Variants in TUBD1 observed in about 807,000 individuals in gnomAD.
TUBD1 encodes the protein tubulin delta 1.
A neutral mutation model predicts 51.2 loss-of-function variants in TUBD1; 38 were observed. The observed-to-expected ratio is 0.74, with a 90% CI of 0.57 to 0.97. The LOEUF (loss-of-function observed/expected upper bound fraction) is 0.97, where lower values mean the gene tolerates loss of function less well. Ranked by LOEUF, TUBD1 falls within the 50% of genes least tolerant of loss-of-function variation. The pLI is 0.00. For synonymous variants in TUBD1, 169 were observed against 178.2 expected (o/e 0.95, Z 0.41); for missense variants, 489 against 538.4 (o/e 0.91, Z 0.91).
intron 1 of TUBD1, chr17:59,891,673 TAAAA>T (rs1459266679): frequency 6.6e-6 from 1 of 152,012 alleles, no homozygotes; most frequent in Non-Finnish European, 1.5e-5. Context: ...TGAGGAGTGA[TAAAA>T]GAAAAAAAGA....
intron 5 of TUBD1, among the ~76,000 whole-genome samples, chr17:59,875,903 A>T (rs182573074): frequency 1.3e-5 from 2 of 152,296 alleles, no homozygotes; most frequent in Non-Finnish European, 2.9e-5. Flanking sequence ...GCTGTCTCAT[A>T]TGTTTATAGA....
rs1041194808 is a variant in TUBD1, at chr17:59,862,358, G to C, written c.1259+1306C>G. Reference sequence around the variant, plus strand: ...AAAGAAAAAGATAGTTAGAAGCCTTGTCCACTCATTTGAAGAATTTTGCTT... The same window carrying C: ...AAAGAAAAAGATAGTTAGAAGCCTTCTCCACTCATTTGAAGAATTTTGCTT... On this transcript the variant is annotated intron_variant, in intron 8 of 8. Transcript: ENST00000325752. 2.0e-5 allele frequency among the ~76,000 whole-genome samples: 3 copies of C among 151,500 alleles called. No homozygotes were observed. In the South Asian group the frequency reaches 6.2e-4, roughly 32 times the overall value.
At chr17:59,881,960 C>T (rs991895532) in intron 3 of TUBD1, among the ~76,000 whole-genome samples, 1 of 152,084 alleles carries the variant, frequency 6.6e-6, no homozygotes, top group African/African-American at 2.4e-5. Flanking sequence ...TGAGCCACTG[C>T]GCCTGGCCGC....
rs746863209 is a variant in TUBD1, at chr17:59,881,027, C to A, written c.404G>T (p.Gly135Val). 6.2e-7 allele frequency: 1 copy of A among 1,614,132 alleles called. No homozygotes were observed. Among genetic ancestry groups the A allele is most frequent in the Non-Finnish European group, 8.5e-7 (1 of 1,180,008 alleles). ...AGCCATACTCATTATGATGAAAAAACCACTGAAAGAGTCACATTTCTCCAC... is the reference window on the plus strand; with the variant it reads ...AGCCATACTCATTATGATGAAAAAAACACTGAAAGAGTCACATTTCTCCAC... ...KEVEKCDSFS[G>V]FFIIMSMAGG... Residue 135 changes from glycine (G) to valine (V), a missense_variant, in exon 4 of 9, where the codon GGT (glycine) becomes GTT (valine). Coordinates refer to ENST00000325752, the MANE Select transcript of TUBD1 (RefSeq NM_016261.4).
chr17:59,882,892 C>G (rs932639078), intron 3 of TUBD1, among the ~76,000 whole-genome samples: 1 of 151,684 alleles, frequency 6.6e-6, no homozygotes, highest in African/African-American at 2.4e-5. Flanking sequence ...TCAAGTGATT[C>G]TCCTGCCTTA....
intron 4 of TUBD1, 105 bp downstream of exon 4, chr17:59,880,789 C>T: frequency 1.9e-6 from 2 of 1,075,610 alleles, no homozygotes; most frequent in Non-Finnish European, 2.8e-6. Flanking sequence ...GCTGGGATTA[C>T]AGGCATAAGC....
chr17:59,892,771 C>T lies in TUBD1; in HGVS notation c.-114G>A, dbSNP rs2041183798. The stretch of plus-strand genomic sequence containing the variant: ...TACTCACCATGCGCATGCTCACTTT[C>T]AAAACGAAAAACTTACTGAGAACAA... On this transcript the variant is annotated 5_prime_UTR_variant, in exon 1 of 9. The change abolishes the stop of an existing upstream ORF in the 5' untranslated region. Transcript: ENST00000325752. 1 of 169,118 alleles carries T rather than the reference C, an allele frequency of 5.9e-6. No individual in the cohort carries two copies. The allele number at this position is 169,118 out of a possible 1,614,324, so 10.5% of individuals were successfully genotyped here. A position where few individuals can be genotyped will look rare whatever the true frequency, so the allele number is the denominator to read the frequency against.
At position 59,859,498 on chromosome 17, in the gene TUBD1, A is replaced by G. The variant is rs1342152572; in HGVS notation, c.*824T>C. 6.6e-6 allele frequency: 1 copy of G among 152,384 alleles called. No individual in the cohort carries two copies. The highest frequency in any genetic ancestry group is 1.9e-4 in the East Asian group (1 of 5,206). 9.4% of individuals were successfully genotyped at this position (152,384 alleles called of 1,614,324 possible). ...TACCTATTTACTTTTGTACTTAAGC[A>G]TAAGCATTTATTACCAAAATCCTCA... On this transcript the variant is annotated 3_prime_UTR_variant, in exon 9 of 9. Transcript: ENST00000325752.
intron 7 of TUBD1, among the ~76,000 whole-genome samples, chr17:59,865,533 T>G (rs1455380600): frequency 6.6e-6 from 1 of 152,044 alleles, no homozygotes; most frequent in Non-Finnish European, 1.5e-5. Context: ...TGAGCTGAGA[T>G]TACACCACTG....
intron 6 of TUBD1, among the ~76,000 whole-genome samples, chr17:59,869,982 G>C (rs2039903199): frequency 6.6e-6 from 1 of 152,048 alleles, no homozygotes; most frequent in Non-Finnish European, 1.5e-5. Flanking sequence ...GAGCTGGAGA[G>C]CAAATGGTTA....
chr17:59,876,821 G>C (rs766302224), intron 5 of TUBD1, among the ~76,000 whole-genome samples: 12 of 151,552 alleles, frequency 7.9e-5, no homozygotes, highest in Non-Finnish European at 1.0e-4. Context: ...GTTGCAATCT[G>C]TTCTCCCTTC....
chr17:59,879,632 C>T (rs573605732), intron 4 of TUBD1, among the ~76,000 whole-genome samples: 2 of 151,906 alleles, frequency 1.3e-5, no homozygotes, highest in African/African-American at 4.8e-5. Context: ...GAAGGGGTTT[C>T]GCCATGTTGG....
At chr17:59,869,044 ACAGAG>A (rs1296708943) in intron 6 of TUBD1, among the ~76,000 whole-genome samples, 1 of 151,720 alleles carries the variant, frequency 6.6e-6, no homozygotes, top group Non-Finnish European at 1.5e-5. Flanking sequence ...AAATCTTCCC[ACAGAG>A]CAAAGAATAT....
At chr17:59,866,559 G>C in intron 7 of TUBD1, 50 bp downstream of exon 7, 1 of 1,604,072 alleles carries the variant, frequency 6.2e-7, no homozygotes. Context: ...GTACCATATA[G>C]CATGTACAGG....
In TUBD1 at chr17:59,890,746, T is replaced by C. The variant is rs868624029; in HGVS notation, c.172+85A>G. 15 of 1,114,920 alleles carry C rather than the reference T, an allele frequency of 1.3e-5. 3 individuals are homozygous for C. In the Middle Eastern group the frequency reaches 2.8e-3, roughly 209 times the overall value. 69.1% of individuals were successfully genotyped at this position (1,114,920 alleles called of 1,614,324 possible). A position where few individuals can be genotyped will look rare whatever the true frequency, so the allele number is the denominator to read the frequency against. ...AATTCCCTAGTGAGATGGGAAGGAA[T>C]GGGGTTTAAAAACCATGTGGAAGGC... On this transcript the variant is annotated intron_variant, in intron 2 of 8. Coordinates refer to ENST00000325752, the MANE Select transcript of TUBD1 (RefSeq NM_016261.4).
intron 4 of TUBD1, among the ~76,000 whole-genome samples, chr17:59,880,202 GCCAGCGCCACCATGC>G (rs1432032454): frequency 6.6e-6 from 1 of 152,030 alleles, no homozygotes; most frequent in Non-Finnish European, 1.5e-5. Context: ...GAGACTACAG[GCCAGCGCCACCATGC>G]CCAGCTAATT....
In TUBD1 at chr17:59,860,431, GA is replaced by G. The variant is rs34427733; in HGVS notation, c.1260-8del. ...GTACTGATGAATGTAGGCTCTGGTA[GA>G]AAAAAAAAAAAAACAGAAATTACAA... On this transcript the variant is annotated splice_region_variant and splice_polypyrimidine_tract_variant and intron_variant, in intron 8 of 8. Transcript: ENST00000325752. The G allele has an allele frequency of 0.17, 198,767 of 1,138,774 alleles. 2,364 individuals are homozygous for G. Among genetic ancestry groups the G allele is most frequent in the Middle Eastern group, 0.21 (915 of 4,332 alleles). The allele number at this position is 1,138,774 out of a possible 1,614,324, so 70.5% of individuals were successfully genotyped here.
Position 59,886,248 on chromosome 17 carries a change from C to A in TUBD1, c.173-18G>T, listed in dbSNP as rs202212493. ...AATTGGAACTAGAGGGGGAAAAAAA[C>A]CCAAAAACATCGAAAGAAAAAAAGA... On this transcript the variant is annotated intron_variant, in intron 2 of 8. Transcript: ENST00000325752. 2.5e-6 allele frequency: 4 copies of A among 1,595,026 alleles called. No homozygotes were observed. Among genetic ancestry groups the A allele is most frequent in the Non-Finnish European group, 3.4e-6 (4 of 1,172,940 alleles).
chr17:59,860,349 C>T lies in TUBD1; in HGVS notation c.1335G>A (p.Gln445=). The change falls in exon 9 of 9, where the codon CAG becomes CAA. Residue 445 remains glutamine (Q), a synonymous_variant. Coordinates refer to ENST00000325752, the MANE Select transcript of TUBD1 (RefSeq NM_016261.4). ...AGAGATTACAGTAACTGGCAACAAC[C>T]TGCTCTAATGACGTGAAACTGTCTA... ...DFLDSFTSLE[Q]VVASYCNL is the part of the protein sequence containing the mutation. 6.2e-7 allele frequency: 1 copy of T among 1,612,620 alleles called. No individual in the cohort carries two copies. Among genetic ancestry groups the T allele is most frequent in the Non-Finnish European group, 8.5e-7 (1 of 1,179,364 alleles).
Sources: gnomAD v4.1 joint callset for allele counts (sites outside exome capture counted in the v4.1 genomes callset) on GRCh38, gnomAD v4.1.1 for gene constraint, MANE v1.5 for transcripts, NCBI Gene and HGNC (gene_info 2026-07-23, HGNC 2026-07-21) for gene names.